The following ATP6V1C1 variants were observed in gnomAD, a reference collection of about 807,000 sequenced individuals.
ATP6V1C1 encodes the protein ATPase H+ transporting V1 subunit C1, also known as V-type proton ATPase subunit C 1.
Under a neutral mutation model 53.9 loss-of-function variants are expected in ATP6V1C1, and 45 were observed. The ratio of observed to expected loss-of-function variants is 0.83; its 90% CI spans 0.66 to 1.07. The LOEUF is 1.07. Among genes scored for constraint, ATP6V1C1 ranks in the 50% least tolerant of loss-of-function variants. ATP6V1C1 has a pLI of 0.00. For missense variants in ATP6V1C1, 315 were observed against 440.3 expected (o/e 0.72, Z 2.55); for synonymous variants, 153 against 155.2 (o/e 0.99, Z 0.11).
chr8:103,066,275 T>C (rs1369905263), intron 11 of ATP6V1C1, 46 bp from the exon 12 acceptor site: 5 of 1,565,962 alleles, frequency 3.2e-6, no homozygotes, highest in Non-Finnish European at 4.3e-6. Context: ...AAAATCTCTT[T>C]ACATGTTTGC....
In ATP6V1C1 at chr8:103,025,158, A is replaced by G. The variant is rs575630040; in HGVS notation, c.-40+3933A>G. Among the ~76,000 whole-genome samples the G allele has an allele frequency of 3.3e-5, 5 of 152,342 alleles. No homozygotes were observed. In the East Asian group the frequency reaches 7.7e-4, roughly 23 times the overall value. ...TCTTCTAAGATATTTTAAACAGACT[A>G]TCAATGAATAGGAAGTTGTAAATTA... On this transcript the variant is annotated intron_variant, in intron 1 of 12. Coordinates refer to ENST00000518738, the MANE Select transcript of ATP6V1C1 (RefSeq NM_001695.5).
At position 103,072,031 on chromosome 8, in the gene ATP6V1C1, C is replaced by G. The variant is rs976393075; in HGVS notation, c.*3284C>G. On this transcript the variant is annotated 3_prime_UTR_variant, in exon 13 of 13. Coordinates refer to ENST00000518738, the MANE Select transcript of ATP6V1C1 (RefSeq NM_001695.5). Reference sequence around the variant, plus strand: ...ATTTCAGTAGCCTCAGTTATTCAACCTAGGAGATTTTTCTACCTCTTTACT... The same window carrying G: ...ATTTCAGTAGCCTCAGTTATTCAACGTAGGAGATTTTTCTACCTCTTTACT... 1 of 152,170 alleles carries G rather than the reference C, an allele frequency of 6.6e-6. No individual in the cohort carries two copies. Among genetic ancestry groups the G allele is most frequent in the Non-Finnish European group, 1.5e-5 (1 of 68,026 alleles). 9.4% of individuals were successfully genotyped at this position (152,170 alleles called of 1,614,324 possible).
At chr8:103,034,874 A>G (rs1816864843) in intron 1 of ATP6V1C1, among the ~76,000 whole-genome samples, 1 of 152,164 alleles carries the variant, frequency 6.6e-6, no homozygotes, top group Non-Finnish European at 1.5e-5. Context: ...CCTGGCCTCA[A>G]GGAGAAATTT....
intron 3 of ATP6V1C1, among the ~76,000 whole-genome samples, chr8:103,047,464 A>ACACAT (rs137856477): frequency 0.014 from 1,700 of 125,350 alleles, 9 homozygotes; most frequent in South Asian, 0.021. Context: ...ACACACACAC[A>ACACAT]TTTTTTTTTT....
At chr8:103,067,244 C>T (rs1486227472) in intron 12 of ATP6V1C1, among the ~76,000 whole-genome samples, 1 of 151,576 alleles carries the variant, frequency 6.6e-6, no homozygotes, top group Non-Finnish European at 1.5e-5. Context: ...ACTAGAAATA[C>T]AATAATTAGC....
intron 1 of ATP6V1C1, among the ~76,000 whole-genome samples, chr8:103,033,701 A>G (rs1036450458): frequency 1.3e-5 from 2 of 152,232 alleles, no homozygotes; most frequent in Non-Finnish European, 2.9e-5. Flanking sequence ...GACACATACT[A>G]CATAATATAC....
chr8:103,053,775 C>T, intron 6 of ATP6V1C1, 109 bp from the exon 7 acceptor site: 1 of 733,728 alleles, frequency 1.4e-6, no homozygotes, highest in Non-Finnish European at 2.3e-6. Flanking sequence ...TAAGACTAAT[C>T]CCTCTCAATG....
chr8:103,068,518 C>A (rs1355214508), intron 12 of ATP6V1C1, 134 bp from the exon 13 acceptor site: 2 of 546,410 alleles, frequency 3.7e-6, no homozygotes, highest in Non-Finnish European at 6.0e-6. Flanking sequence ...TAATGTCTAA[C>A]TCAGATAAAT....
intron 11 of ATP6V1C1, among the ~76,000 whole-genome samples, 168 bp from the exon 12 acceptor site, chr8:103,066,153 T>C (rs1191789695): frequency 6.6e-6 from 1 of 151,952 alleles, no homozygotes; most frequent in East Asian, 1.9e-4. Context: ...AAGTTTTTTG[T>C]GTATATTAGT....
At chr8:103,023,184 G>A (rs1485748420) in intron 1 of ATP6V1C1, among the ~76,000 whole-genome samples, 1 of 152,172 alleles carries the variant, frequency 6.6e-6, no homozygotes, top group Non-Finnish European at 1.5e-5. Flanking sequence ...AGAGAGGCAG[G>A]TGGAGAAAGC....
At chr8:103,060,916 T>C (rs566040574) in intron 8 of ATP6V1C1, among the ~76,000 whole-genome samples, 1 of 152,290 alleles carries the variant, frequency 6.6e-6, no homozygotes, top group South Asian at 2.1e-4. Context: ...AAGCACCAAA[T>C]GCTTTTGGAA....
chr8:103,042,285 G>GT (rs371500951), intron 2 of ATP6V1C1, 55 bp from the exon 3 acceptor site: 105,569 of 978,410 alleles, frequency 0.11, 1 homozygote, highest in South Asian at 0.13. Flanking sequence ...GAATCATCTT[G>GT]TTTTTTTTTT....
chr8:103,072,819 G>C lies in ATP6V1C1; in HGVS notation c.*4072G>C, dbSNP rs990052604. 2 of 152,216 alleles carry C rather than the reference G, an allele frequency of 1.3e-5. No individual in the cohort carries two copies. The highest frequency in any genetic ancestry group is 6.5e-5 in the Admixed American group (1 of 15,284). The allele number at this position is 152,216 out of a possible 1,614,324, so 9.4% of individuals were successfully genotyped here. ...CATGAACAGTAAGAGACTGCCGCCTGGCATGGTTTCTTCTTCTGCAGAAGA... is the reference window on the plus strand; with the variant it reads ...CATGAACAGTAAGAGACTGCCGCCTCGCATGGTTTCTTCTTCTGCAGAAGA... On this transcript the variant is annotated 3_prime_UTR_variant, in exon 13 of 13. Coordinates refer to ENST00000518738, the MANE Select transcript of ATP6V1C1 (RefSeq NM_001695.5).
At chr8:103,067,944 A>G (rs1430172707) in intron 12 of ATP6V1C1, among the ~76,000 whole-genome samples, 1 of 152,204 alleles carries the variant, frequency 6.6e-6, no homozygotes, top group Non-Finnish European at 1.5e-5. Context: ...TATTTGATAC[A>G]TAAATGTTCT....
rs200123762 is a variant in ATP6V1C1 at position 103,033,263 on chromosome 8, A to AT, written c.-39-7535_-39-7534insT. On this transcript the variant is annotated intron_variant, in intron 1 of 12. Coordinates refer to ENST00000518738, the MANE Select transcript of ATP6V1C1 (RefSeq NM_001695.5). Reference sequence around the variant, plus strand: ...CTTAATCTTGGTTTTGACAGTGCTCACACAGGTGTATACATTTGTCAAAAA... The same window carrying AT: ...CTTAATCTTGGTTTTGACAGTGCTCATCACAGGTGTATACATTTGTCAAAAA... Among the ~76,000 whole-genome samples, 76 of 152,334 alleles carry AT rather than the reference A, an allele frequency of 5.0e-4. 1 individual carries two copies. The East Asian group carries it at 0.012, about 23-fold the overall frequency.
chr8:103,057,640 G>C (rs1189650305), intron 8 of ATP6V1C1, among the ~76,000 whole-genome samples: 1 of 152,124 alleles, frequency 6.6e-6, no homozygotes, highest in Non-Finnish European at 1.5e-5. Context: ...TGTGTGACCT[G>C]GGGTAAGTCT....
intron 1 of ATP6V1C1, among the ~76,000 whole-genome samples, chr8:103,037,085 G>A (rs1164829360): frequency 6.6e-6 from 1 of 152,210 alleles, no homozygotes; most frequent in Non-Finnish European, 1.5e-5. Flanking sequence ...TTCGCTAAGT[G>A]CGAGAGTATT....
rs767825523 is a variant in ATP6V1C1, at chr8:103,062,161, G to GTTTTT, written c.642-769_642-765dup. Among the ~76,000 whole-genome samples, 80 of 70,788 alleles carry GTTTTT rather than the reference G, an allele frequency of 1.1e-3. 5 individuals carry two copies. Among genetic ancestry groups the GTTTTT allele is most frequent in the African/African-American group, 2.7e-3 (45 of 16,960 alleles). 46.4% of individuals were successfully genotyped at this position (70,788 alleles called of 152,430 possible). On this transcript the variant is annotated intron_variant, in intron 8 of 12. Coordinates refer to ENST00000518738, the MANE Select transcript of ATP6V1C1 (RefSeq NM_001695.5). ...TATTTAGACAGTTGTGTTCATCAGG[G>GTTTTT]TTTTTTTTTTTTTTTTTTTTTTTTT... is the stretch of plus-strand genomic sequence containing the variant.
rs115862902 is a variant in ATP6V1C1 at position 103,069,346 on chromosome 8, A to T, written c.*599A>T. On this transcript the variant is annotated 3_prime_UTR_variant, in exon 13 of 13. Coordinates refer to ENST00000518738, the MANE Select transcript of ATP6V1C1 (RefSeq NM_001695.5). ...TGAGAGTTAAATGATGTCATAGCTC[A>T]CTTGCTATGCTGCTTCCAGGATTTT... is the stretch of plus-strand genomic sequence containing the variant. 1 of 152,236 alleles carries T rather than the reference A, an allele frequency of 6.6e-6. No individual in the cohort carries two copies. The highest frequency in any genetic ancestry group is 2.4e-5 in the African/African-American group (1 of 41,462). The allele number at this position is 152,236 out of a possible 1,614,324, so 9.4% of individuals were successfully genotyped here. A position where few individuals can be genotyped will look rare whatever the true frequency, so the allele number is the denominator to read the frequency against.
Sources: allele counts gnomAD v4.1 joint callset (sites outside exome capture counted in the v4.1 genomes callset), GRCh38; gene constraint gnomAD v4.1.1; transcripts MANE v1.5; gene names NCBI Gene and HGNC (gene_info 2026-07-23, HGNC 2026-07-21).